Variants in STX2 observed in about 807,000 individuals in gnomAD.
STX2 encodes the protein syntaxin-2.
A neutral mutation model predicts 40.6 loss-of-function variants in STX2; 27 were observed. That is an observed-to-expected ratio of 0.66 (90% CI 0.49 to 0.92). The LOEUF (loss-of-function observed/expected upper bound fraction) is 0.92, where lower values mean the gene tolerates loss of function less well. STX2 is among the 40% of genes least tolerant of loss of function. The pLI, the probability that STX2 is intolerant of heterozygous loss-of-function variation, is 0.00. For missense variants in STX2, 328 were observed against 366.1 expected, an observed-to-expected ratio of 0.90 and a Z score of 0.85; for synonymous variants, 123 against 119.1, an observed-to-expected ratio of 1.03 and a Z score of -0.22.
intron 2 of STX2, among the ~76,000 whole-genome samples, chr12:130,825,216 T>A (rs1042106804): frequency 1.3e-5 from 2 of 152,162 alleles, no homozygotes; most frequent in Admixed American, 6.6e-5. Flanking sequence ...TTTGTATTTT[T>A]AGTAGAGACA....
At chr12:130,828,858 ACT>A (rs752480148) in intron 1 of STX2, among the ~76,000 whole-genome samples, 1 of 128,172 alleles carries the variant, frequency 7.8e-6, no homozygotes, top group Non-Finnish European at 1.7e-5. Context: ...ACAGAGCAAG[ACT>A]CTGTCTCAAA....
rs1951016387 is a variant in STX2 at position 130,795,975 on chromosome 12, T to G, written c.*45+20A>C. Reference sequence around the variant, plus strand: ...TTAATTGCAAAAGTTAATAAGTAAATTAGTTGATGAGTTACTTACTCCCAC... The same window carrying G: ...TTAATTGCAAAAGTTAATAAGTAAAGTAGTTGATGAGTTACTTACTCCCAC... On this transcript the variant is annotated intron_variant, in intron 10 of 10. Transcript: ENST00000392373. 6.3e-7 allele frequency: 1 copy of G among 1,588,870 alleles called. No homozygotes were observed. Among genetic ancestry groups the G allele is most frequent in the Non-Finnish European group, 8.5e-7 (1 of 1,169,884 alleles).
intron 4 of STX2, among the ~76,000 whole-genome samples, chr12:130,809,166 C>T (rs2136276544): frequency 6.6e-6 from 1 of 152,248 alleles, no homozygotes; most frequent in South Asian, 2.1e-4. Context: ...TGCGCCCAAC[C>T]CCATCAAGAG....
chr12:130,832,349 T>C (rs1392736189), intron 1 of STX2, among the ~76,000 whole-genome samples: 2 of 152,044 alleles, frequency 1.3e-5, no homozygotes, highest in African/African-American at 4.8e-5. Flanking sequence ...TATTTTTCCA[T>C]TACCAACAAT....
intron 6 of STX2, among the ~76,000 whole-genome samples, chr12:130,806,677 A>C (rs1951446689): frequency 6.6e-6 from 1 of 152,188 alleles, no homozygotes; most frequent in Admixed American, 6.5e-5. Context: ...CCCCCGAACC[A>C]GGGCAGGGCG....
At chr12:130,812,466 T>C (rs1243821552) in intron 4 of STX2, 11 of 400,004 alleles carry the variant, frequency 2.7e-5, no homozygotes, top group Admixed American at 2.3e-4. Context: ...AAGTATTTTA[T>C]CATCTGCACA....
intron 3 of STX2, among the ~76,000 whole-genome samples, chr12:130,816,130 G>C (rs565248410): frequency 1.3e-5 from 2 of 152,254 alleles, no homozygotes; most frequent in African/African-American, 4.8e-5. Flanking sequence ...TGTAGGAGTC[G>C]AAGCTAAAAC....
At chr12:130,798,896 A>G (rs549330384) in intron 8 of STX2, among the ~76,000 whole-genome samples, 13 of 152,232 alleles carry the variant, frequency 8.5e-5, no homozygotes, top group Non-Finnish European at 1.5e-4. Flanking sequence ...ACCTCAAGTC[A>G]ATTCTGAGAT....
intron 1 of STX2, among the ~76,000 whole-genome samples, chr12:130,835,762 A>C (rs1034081375): frequency 1.3e-5 from 2 of 152,134 alleles, no homozygotes; most frequent in Non-Finnish European, 2.9e-5. Context: ...GTAAATCAGA[A>C]ATATCTTTCT....
chr12:130,807,257 C>T (rs185106959), intron 5 of STX2, among the ~76,000 whole-genome samples, 167 bp from the exon 6 acceptor site: 1 of 152,292 alleles, frequency 6.6e-6, no homozygotes. Context: ...AAGAACTTTG[C>T]ATGCATGATC....
chr12:130,820,130 C>A (rs1952055991), intron 3 of STX2, among the ~76,000 whole-genome samples: 1 of 152,188 alleles, frequency 6.6e-6, no homozygotes, highest in Admixed American at 6.5e-5. Context: ...GCCCCCATCA[C>A]CACTTCTATT....
chr12:130,791,593 T>C lies in STX2; in HGVS notation c.*430A>G, dbSNP rs1477886899. On this transcript the variant is annotated 3_prime_UTR_variant, in exon 11 of 11. Coordinates refer to ENST00000392373, the MANE Select transcript of STX2 (RefSeq NM_194356.4). ...CTAATTAAACTTCATGCACATTTGTTAACACTGAAATATTTTTAATATTAA... is the reference window on the plus strand; with the variant it reads ...CTAATTAAACTTCATGCACATTTGTCAACACTGAAATATTTTTAATATTAA... 4.4e-6 allele frequency: 1 copy of C among 227,748 alleles called. No homozygotes were observed. The highest frequency in any genetic ancestry group is 8.5e-6 in the Non-Finnish European group (1 of 117,908). The allele number at this position is 227,748 out of a possible 1,614,324, so 14.1% of individuals were successfully genotyped here.
rs1950855406 is a variant in STX2 at position 130,790,697 on chromosome 12, G to A, written c.*1326C>T. 1 of 152,192 alleles carries A rather than the reference G, an allele frequency of 6.6e-6. No individual in the cohort carries two copies. Among genetic ancestry groups the A allele is most frequent in the Non-Finnish European group, 1.5e-5 (1 of 68,030 alleles). 9.4% of individuals were successfully genotyped at this position (152,192 alleles called of 1,614,324 possible). A position where few individuals can be genotyped will look rare whatever the true frequency, so the allele number is the denominator to read the frequency against. On this transcript the variant is annotated 3_prime_UTR_variant, in exon 11 of 11. Coordinates refer to ENST00000392373, the MANE Select transcript of STX2 (RefSeq NM_194356.4). Reference sequence around the variant, plus strand: ...TCCATGTCTCAGGAATAATTTCCTCGAGTCCCGAGAGTACTGAACCTCAGT... The same window carrying A: ...TCCATGTCTCAGGAATAATTTCCTCAAGTCCCGAGAGTACTGAACCTCAGT...
chr12:130,810,833 C>A (rs1241669951), intron 4 of STX2: 1 of 152,174 alleles, frequency 6.6e-6, no homozygotes, highest in Non-Finnish European at 1.5e-5. Context: ...TCCTCTCTGT[C>A]CTCCATGATC....
intron 4 of STX2, among the ~76,000 whole-genome samples, chr12:130,809,778 T>C (rs1234559765): frequency 3.9e-5 from 6 of 152,214 alleles, no homozygotes; most frequent in East Asian, 1.9e-4. Flanking sequence ...GATAGTGCCA[T>C]TGCACTCCAG....
chr12:130,824,034 C>G (rs1952209904), intron 2 of STX2, among the ~76,000 whole-genome samples: 1 of 152,188 alleles, frequency 6.6e-6, no homozygotes, highest in Middle Eastern at 3.2e-3. Flanking sequence ...TTGAAAGGGT[C>G]TTAGGGACCC....
At chr12:130,799,498 A>G (rs1320278546) in intron 8 of STX2, among the ~76,000 whole-genome samples, 3 of 152,164 alleles carry the variant, frequency 2.0e-5, no homozygotes, top group Non-Finnish European at 4.4e-5. Context: ...TTCCTTTGGA[A>G]TGCTTCCTGG....
At chr12:130,813,598 C>T (rs1230850480) in intron 3 of STX2, among the ~76,000 whole-genome samples, 2 of 152,154 alleles carry the variant, frequency 1.3e-5, no homozygotes, top group East Asian at 1.9e-4. Context: ...AGGCAGGGGC[C>T]GGCCTCCTAA....
chr12:130,794,364 A>G lies in STX2; in HGVS notation c.*45+1631T>C, dbSNP rs190444562. On this transcript the variant is annotated intron_variant, in intron 10 of 10. Coordinates refer to ENST00000392373, the MANE Select transcript of STX2 (RefSeq NM_194356.4). ...CTGCCAAATAATGGAATGTTAACAC[A>G]CGCAGCATCCCAGAGCTCCTTACAG... 6.2e-3 allele frequency among the ~76,000 whole-genome samples: 947 copies of G among 152,324 alleles called. 3 individuals carry two copies. Among genetic ancestry groups the G allele is most frequent in the Non-Finnish European group, 0.01 (691 of 68,032 alleles).
Sources: gnomAD v4.1 joint callset for allele counts (sites outside exome capture counted in the v4.1 genomes callset) on GRCh38, gnomAD v4.1.1 for gene constraint, MANE v1.5 for transcripts, NCBI Gene and HGNC (gene_info 2026-07-23, HGNC 2026-07-21) for gene names.